The following EYS variants were observed in gnomAD, a reference collection of about 807,000 sequenced individuals.
EYS encodes EGF-like photoreceptor maintenance factor.
EYS carries 250 observed loss-of-function variants against 282.1 expected under a neutral mutation model. That is an observed-to-expected ratio of 0.89 (90% CI 0.80 to 0.98). The LOEUF (loss-of-function observed/expected upper bound fraction) is 0.98, where lower values mean the gene tolerates loss of function less well. Ranked by LOEUF, EYS falls within the 50% of genes least tolerant of loss-of-function variation. The pLI is 0.00. For missense variants in EYS, 4,016 were observed against 3,709.0 expected (o/e 1.08, Z -2.15); for synonymous variants, 1,355 against 1,282.9 (o/e 1.06, Z -1.20).
intron 5 of EYS, among the ~76,000 whole-genome samples, chr6:65,473,949 T>C (rs1288013662): frequency 6.6e-6 from 1 of 152,020 alleles, no homozygotes; most frequent in Non-Finnish European, 1.5e-5. Context: ...TTCTTGGGAC[T>C]TTTGTGGATG....
intron 19 of EYS, among the ~76,000 whole-genome samples, chr6:64,855,741 G>C (rs2882372): frequency 0.56 from 84,726 of 151,910 alleles, 24,348 homozygotes; most frequent in Non-Finnish European, 0.62. Context: ...ATAGAAAATA[G>C]TTTCACTACT....
chr6:65,391,310 A>G (rs2150356450), intron 7 of EYS, among the ~76,000 whole-genome samples: 1 of 152,282 alleles, frequency 6.6e-6, no homozygotes, highest in Admixed American at 6.5e-5. Flanking sequence ...TGTCCTAGAT[A>G]TTTTTAATAG....
At chr6:65,367,386 C>A (rs191988127) in intron 8 of EYS, among the ~76,000 whole-genome samples, 1 of 151,752 alleles carries the variant, frequency 6.6e-6, no homozygotes, top group Admixed American at 6.7e-5. Context: ...TTAACCATAG[C>A]AGGCGAATTT....
chr6:64,230,933 TG>T (rs1234252505), intron 30 of EYS, 109 bp from the exon 31 acceptor site: 2 of 597,192 alleles, frequency 3.3e-6, no homozygotes, highest in Non-Finnish European at 5.8e-6. Context: ...AAACCAATAC[TG>T]ATCAAGGTTT....
chr6:65,184,350 G>T (rs774157541), intron 12 of EYS, among the ~76,000 whole-genome samples: 1 of 151,754 alleles, frequency 6.6e-6, no homozygotes, highest in Non-Finnish European at 1.5e-5. Flanking sequence ...AGAGCAACAG[G>T]AGTCAAACTT....
intron 22 of EYS, among the ~76,000 whole-genome samples, chr6:64,629,884 T>G (rs954301135): frequency 1.4e-4 from 22 of 152,304 alleles, no homozygotes; most frequent in African/African-American, 4.8e-4. Flanking sequence ...TACATACCTT[T>G]TATTTCTTTT....
intron 31 of EYS, among the ~76,000 whole-genome samples, chr6:64,188,566 C>A (rs2150315319): frequency 6.6e-6 from 1 of 152,214 alleles, no homozygotes; most frequent in East Asian, 1.9e-4. Flanking sequence ...TCTTATCTGG[C>A]AACTCCACCT....
chr6:64,545,807 C>T (rs2149801906), intron 26 of EYS, among the ~76,000 whole-genome samples: 1 of 152,266 alleles, frequency 6.6e-6, no homozygotes, highest in South Asian at 2.1e-4. Flanking sequence ...GGGAATCCAA[C>T]TTACAAGGGA....
chr6:63,881,448 G>T (rs141530147), intron 35 of EYS, among the ~76,000 whole-genome samples: 1 of 152,116 alleles, frequency 6.6e-6, no homozygotes, highest in South Asian at 2.1e-4. Context: ...AGCAAGAATC[G>T]TTTGAAGTTT....
At chr6:63,723,933 G>A (rs1451240759) in intron 42 of EYS, among the ~76,000 whole-genome samples, 2 of 151,676 alleles carry the variant, frequency 1.3e-5, no homozygotes, top group Non-Finnish European at 2.9e-5. Context: ...TCAGTTTCCC[G>A]AGTATCTGGG....
chr6:65,293,388 T>C (rs1259968475), intron 12 of EYS, among the ~76,000 whole-genome samples: 1 of 151,832 alleles, frequency 6.6e-6, no homozygotes, highest in Non-Finnish European at 1.5e-5. Flanking sequence ...TTAAAAATAT[T>C]TGGAGAGTTT....
chr6:65,441,986 T>A (rs953067135), intron 5 of EYS, among the ~76,000 whole-genome samples: 10 of 152,094 alleles, frequency 6.6e-5, no homozygotes, highest in African/African-American at 2.4e-4. Context: ...ATCTTTTTCT[T>A]TTTTGTGACA....
intron 36 of EYS, among the ~76,000 whole-genome samples, chr6:63,851,179 T>C (rs538658958): frequency 4.6e-5 from 7 of 152,084 alleles, no homozygotes; most frequent in Non-Finnish European, 1.0e-4. Flanking sequence ...TAAAGCAAGT[T>C]CTTAGAGACC....
intron 29 of EYS, among the ~76,000 whole-genome samples, chr6:64,346,781 G>A (rs1224011676): frequency 6.6e-6 from 1 of 151,424 alleles, no homozygotes; most frequent in Non-Finnish European, 1.5e-5. Context: ...AGTTACTCTA[G>A]TGGAGACTTC....
intron 10 of EYS, among the ~76,000 whole-genome samples, chr6:65,339,392 G>A (rs1055997066): frequency 6.6e-6 from 1 of 151,088 alleles, no homozygotes; most frequent in Non-Finnish European, 1.5e-5. Context: ...TCAAAAATAT[G>A]TTAGTATGGT....
chr6:65,163,135 G>T (rs1038275473), intron 12 of EYS, among the ~76,000 whole-genome samples: 7 of 151,018 alleles, frequency 4.6e-5, no homozygotes, highest in African/African-American at 1.5e-4. Flanking sequence ...ATCTCTTTAT[G>T]CACCTCTTGA....
At chr6:64,631,150 A>G (rs1171403788) in intron 22 of EYS, 2 of 152,308 alleles carry the variant, frequency 1.3e-5, no homozygotes, top group East Asian at 3.9e-4. Flanking sequence ...CATAGCAACT[A>G]AAAATATAAC....
chr6:65,343,917 A>C, intron 10 of EYS, 121 bp downstream of exon 10: 1 of 848,494 alleles, frequency 1.2e-6, no homozygotes, highest in Middle Eastern at 3.5e-4. Flanking sequence ...TATTTAAACT[A>C]TGCAAACTAT....
chr6:64,244,113 A>G (rs1342019363), intron 30 of EYS, among the ~76,000 whole-genome samples: 1 of 152,186 alleles, frequency 6.6e-6, no homozygotes, highest in African/African-American at 2.4e-5. Flanking sequence ...CCTCACTAAA[A>G]TTAATTGTAA....
Sources: allele counts gnomAD v4.1 joint callset (sites outside exome capture counted in the v4.1 genomes callset), GRCh38; gene constraint gnomAD v4.1.1; transcripts MANE v1.5; gene names NCBI Gene and HGNC (gene_info 2026-07-23, HGNC 2026-07-21).